ZFX: variants seen among roughly 807,000 people sequenced by gnomAD.
ZFX encodes the protein zinc finger X-chromosomal protein.
For missense variants in ZFX, 362 were observed against 628.3 expected (o/e 0.58, Z 4.53); for synonymous variants, 196 against 226.8 (o/e 0.86, Z 1.22).
Position 24,190,527 on chromosome X carries a change from T to C in ZFX, c.646+10757T>C, listed in dbSNP as rs1370001411. Reference sequence around the variant, plus strand: ...CTCCCTTCCCCTGCCAAAAACAAGGTTGGGAAAAGGTCTCTATTTTGAAAG... The same window carrying C: ...CTCCCTTCCCCTGCCAAAAACAAGGCTGGGAAAAGGTCTCTATTTTGAAAG... On this transcript the variant is annotated intron_variant, in intron 5 of 9. Transcript: ENST00000304543. 3.6e-5 allele frequency among the ~76,000 whole-genome samples: 4 copies of C among 111,809 alleles called. No individual in the cohort carries two copies. In the East Asian group the frequency reaches 1.1e-3, roughly 31 times the overall value.
chrX:24,192,388 C>G, intron 5 of ZFX, among the ~76,000 whole-genome samples: 1 of 111,618 alleles, frequency 9.0e-6, no homozygotes, highest in Non-Finnish European at 1.9e-5. Context: ...AAAGATTTAT[C>G]AGGTGTCTGG....
intron 5 of ZFX, among the ~76,000 whole-genome samples, chrX:24,187,528 T>A (rs759920497): frequency 1.8e-5 from 2 of 112,165 alleles, no homozygotes; most frequent in South Asian, 3.7e-4. Context: ...GCATTTTTTT[T>A]ATTTAACTCA....
intron 3 of ZFX, among the ~76,000 whole-genome samples, chrX:24,164,940 G>GAA (rs747389861): frequency 1.2e-5 from 1 of 81,806 alleles, no homozygotes; most frequent in Non-Finnish European, 2.4e-5. Flanking sequence ...AACTCCGTCT[G>GAA]AAAAAAAAAA....
At chrX:24,186,380 G>A (rs1036944596) in intron 5 of ZFX, among the ~76,000 whole-genome samples, 1 of 110,530 alleles carries the variant, frequency 9.0e-6, no homozygotes, top group African/African-American at 3.3e-5. Flanking sequence ...TTGGGAGGCT[G>A]AGGTGGGAGG....
At position 24,214,747 on chromosome X, in the gene ZFX, C is replaced by G. The variant is rs1301472682; in HGVS notation, c.*3371C>G. 3 of 111,908 alleles carry G rather than the reference C, an allele frequency of 2.7e-5. No individual in the cohort carries two copies. The highest frequency in any genetic ancestry group is 9.7e-5 in the African/African-American group (3 of 30,805). 9.2% of individuals were successfully genotyped at this position (111,908 alleles called of 1,213,427 possible). On this transcript the variant is annotated 3_prime_UTR_variant, in exon 10 of 10. Coordinates refer to ENST00000304543, the MANE Select transcript of ZFX (RefSeq NM_003410.4). ...ATTTGTTTTATTAGCATCTCCAATT[C>G]CCCTGAGATAAATTACTCATGCATA...
intron 4 of ZFX, among the ~76,000 whole-genome samples, chrX:24,174,821 C>A (rs1934982918): frequency 9.0e-6 from 1 of 111,219 alleles, no homozygotes; most frequent in Non-Finnish European, 1.9e-5. Context: ...TCAAGGGATC[C>A]TCCTACCTCA....
rs779458996 is a variant in ZFX at position 24,179,410 on chromosome X, C to G, written c.286C>G (p.Gln96Glu). The G allele has an allele frequency of 9.1e-6, 11 of 1,212,240 alleles. No homozygotes were observed. Among genetic ancestry groups the G allele is most frequent in the South Asian group, 1.8e-5 (1 of 57,043 alleles). ...GTCTGAAACGGTCATCATTCCTGAG[C>G]AAGTGCTGGACTCAGATGTAACTGA... ...DVSETVIIPE[Q>E]VLDSDVTEEV... The change falls in exon 5 of 10, where the codon CAA becomes GAA. Residue 96 changes from glutamine (Q) to glutamate (E), a missense_variant. Coordinates refer to ENST00000304543, the MANE Select transcript of ZFX (RefSeq NM_003410.4).
chrX:24,185,788 GGGCA>G (rs1292281978), intron 5 of ZFX, among the ~76,000 whole-genome samples: 1 of 111,554 alleles, frequency 9.0e-6, no homozygotes, highest in Non-Finnish European at 1.9e-5. Context: ...TATTGAGGTC[GGGCA>G]CAATGGCTTA....
At chrX:24,160,298 CTT>C (rs397966885) in intron 3 of ZFX, among the ~76,000 whole-genome samples, 3 of 84,123 alleles carry the variant, frequency 3.6e-5, no homozygotes. Context: ...AATTGAAATG[CTT>C]TTTTTTTTTT....
At chrX:24,173,468 AG>A in intron 4 of ZFX, 2 of 921,602 alleles carry the variant, frequency 2.2e-6, no homozygotes, top group South Asian at 5.6e-5. Context: ...ATAGTGTACA[AG>A]GAAAAATTAT....
In ZFX at chrX:24,192,704, C is replaced by T. The variant is rs536140684; in HGVS notation, c.646+12934C>T. 1.1e-4 allele frequency among the ~76,000 whole-genome samples: 12 copies of T among 110,299 alleles called. No individual in the cohort carries two copies. In the South Asian group the frequency reaches 4.7e-3, roughly 43 times the overall value. On this transcript the variant is annotated intron_variant, in intron 5 of 9. Transcript: ENST00000304543. ...GGAGGATCACTTGAGCCCAGGAGTT[C>T]AAACTAGACTTGACAACATCGGGAG...
intron 3 of ZFX, among the ~76,000 whole-genome samples, chrX:24,163,988 T>A (rs536342771): frequency 1.6e-3 from 170 of 108,647 alleles, no homozygotes; most frequent in Middle Eastern, 9.5e-3. Context: ...TTTTTTTTTC[T>A]TATTTCAAAT....
intron 4 of ZFX, chrX:24,173,755 AT>A (rs748379061): frequency 0.18 from 54,442 of 303,343 alleles, no homozygotes; most frequent in East Asian, 0.22. Context: ...TAACTTTTGT[AT>A]TTTTTTTTTT....
At chrX:24,179,121 T>A in intron 4 of ZFX, 62 bp from the exon 5 acceptor site, 1 of 988,373 alleles carries the variant, frequency 1.0e-6, no homozygotes, top group Non-Finnish European at 1.4e-6. Flanking sequence ...TTAAGTAACA[T>A]TTACGTTAAT....
intron 4 of ZFX, chrX:24,173,034 C>G (rs1287746098): frequency 3.4e-6 from 1 of 293,563 alleles, no homozygotes; most frequent in African/African-American, 2.8e-5. Flanking sequence ...TTAGTTTTAT[C>G]TTCAGTTATG....
chrX:24,184,754 A>G (rs1935964987), intron 5 of ZFX, among the ~76,000 whole-genome samples: 1 of 111,593 alleles, frequency 9.0e-6, no homozygotes, highest in Admixed American at 9.5e-5. Flanking sequence ...GTATGTGTAT[A>G]TATTTTGATA....
intron 5 of ZFX, among the ~76,000 whole-genome samples, chrX:24,193,989 T>TG (rs1936723391): frequency 9.0e-6 from 1 of 111,407 alleles, no homozygotes; most frequent in Admixed American, 9.6e-5. Context: ...TTTCAGCCCC[T>TG]GGCAGCCACC....
intron 5 of ZFX, among the ~76,000 whole-genome samples, chrX:24,206,335 C>A (rs984021413): frequency 9.0e-6 from 1 of 111,420 alleles, no homozygotes; most frequent in Non-Finnish European, 1.9e-5. Context: ...AAGACTATTT[C>A]TTGATTTTAC....
chrX:24,150,730 T>C (rs1409882241), intron 1 of ZFX: 1 of 113,144 alleles, frequency 8.8e-6, no homozygotes, highest in Non-Finnish European at 1.9e-5. Context: ...TTAAGTCAAA[T>C]CATATGTGGC....
Sources: allele counts gnomAD v4.1 joint callset (sites outside exome capture counted in the v4.1 genomes callset), GRCh38; gene constraint gnomAD v4.1.1; transcripts MANE v1.5; gene names NCBI Gene and HGNC (gene_info 2026-07-23, HGNC 2026-07-21).